The following NCOR2 variants were observed in gnomAD, a reference collection of about 807,000 sequenced individuals.
NCOR2 encodes CTG repeat protein 26.
NCOR2 carries 81 observed loss-of-function variants against 262.9 expected under a neutral mutation model. The ratio of observed to expected loss-of-function variants is 0.31; its 90% confidence interval spans 0.26 to 0.37. NCOR2 has a LOEUF of 0.37. Ranked by LOEUF, NCOR2 falls within the 10% of genes least tolerant of loss-of-function variation. The pLI, the probability that NCOR2 is intolerant of heterozygous loss-of-function variation, is 1.00. For synonymous variants in NCOR2, 1,659 were observed against 1,559.3 expected (o/e 1.06, Z -1.51); for missense variants, 3,385 against 3,621.4 (o/e 0.93, Z 1.68).
chr12:124,437,936 T>C (rs773536853), exon 8 of NCOR2: 20 of 1,612,002 alleles, frequency 1.2e-5, no homozygotes, highest in Admixed American at 3.3e-5. Context: ...TTACCCATTG[T>C]TTCCGAGCGT....
At chr12:124,425,298 C>T (rs1204699412) in intron 11 of NCOR2, among the ~76,000 whole-genome samples, 1 of 151,878 alleles carries the variant, frequency 6.6e-6, no homozygotes, top group African/African-American at 2.4e-5. Flanking sequence ...GGCGTGAACC[C>T]GGGAGGCAGA....
At chr12:124,373,679 TGC>T (rs2039730285) in intron 19 of NCOR2, among the ~76,000 whole-genome samples, 2 of 112,088 alleles carry the variant, frequency 1.8e-5, no homozygotes, top group African/African-American at 7.1e-5. Flanking sequence ...GGCCAGTGCG[TGC>T]GCAGGGGCCC....
At chr12:124,519,528 CAG>C (rs2050057260) in intron 1 of NCOR2, among the ~76,000 whole-genome samples, 1 of 152,108 alleles carries the variant, frequency 6.6e-6, no homozygotes, top group Non-Finnish European at 1.5e-5. Context: ...GTTGTCAAAG[CAG>C]AGAGAAGGCT....
intron 28 of NCOR2, 39 bp from the exon 31 acceptor site, chr12:124,348,353 C>G (rs191452494): frequency 1.3e-5 from 20 of 1,569,926 alleles, no homozygotes; most frequent in Non-Finnish European, 1.7e-5. Flanking sequence ...GAGCTGGGCA[C>G]GGGCCCAGGA....
At chr12:124,347,478 T>G (rs1409155217) in intron 30 of NCOR2, 4 of 269,454 alleles carry the variant, frequency 1.5e-5, no homozygotes, top group African/African-American at 2.2e-5. Context: ...CTGAAAGAGT[T>G]CTCGGAGCTC....
In NCOR2 at chr12:124,347,816, G is replaced by C. The variant is rs1799101084; in HGVS notation, c.4072+9C>G. 9 of 1,558,992 alleles carry C rather than the reference G, an allele frequency of 5.8e-6. No individual in the cohort carries two copies. The highest frequency in any genetic ancestry group is 7.8e-6 in the Non-Finnish European group (9 of 1,150,738). ...GGGGGCAACGAGGGAGCAGGGAACA[G>C]GGCAGTACCTTGTGTGATGGACCCG... On this transcript the variant is annotated intron_variant, in intron 30 of 46. Transcript: ENST00000405201.
At chr12:124,475,760 A>C (rs2047071592) in intron 3 of NCOR2, among the ~76,000 whole-genome samples, 1 of 152,232 alleles carries the variant, frequency 6.6e-6, no homozygotes, top group Non-Finnish European at 1.5e-5. Context: ...GACATGCCCA[A>C]GGCCACTCAG....
exon 14 of NCOR2, chr12:124,402,466 T>C: frequency 1.2e-6 from 2 of 1,612,950 alleles, no homozygotes; most frequent in Non-Finnish European, 8.5e-7. Flanking sequence ...CCGCCTCCTT[T>C]TCCTTCTCCT....
At chr12:124,385,859 C>T (rs540542812) in exon 17 of NCOR2, 14 of 1,613,654 alleles carry the variant, frequency 8.7e-6, no homozygotes, top group African/African-American at 8.0e-5. Context: ...GGGCGATGGC[C>T]GACCAGTTGC....
intron 25 of NCOR2, 64 bp downstream of exon 27, chr12:124,354,773 C>T (rs1465580979): frequency 3.3e-6 from 5 of 1,505,544 alleles, no homozygotes; most frequent in South Asian, 1.2e-5. Context: ...TCCTCCCCCG[C>T]CCCACCCACA....
intron 17 of NCOR2, 62 bp downstream of exon 19, chr12:124,385,683 A>G: frequency 1.9e-6 from 3 of 1,591,074 alleles, no homozygotes; most frequent in Non-Finnish European, 2.6e-6. Context: ...ACATCTCCTG[A>G]GGCAGTCTGG....
At chr12:124,433,881 C>CACACAA (rs2044160080) in intron 8 of NCOR2, among the ~76,000 whole-genome samples, 1 of 68,304 alleles carries the variant, frequency 1.5e-5, no homozygotes, top group African/African-American at 4.2e-5. Context: ...CACACACACA[C>CACACAA]ACACACACAC....
rs1160298195 is a variant in NCOR2, at chr12:124,378,716, AC to A, written c.2020-333del. ...GCGAGTGACCACGCCTCCTGGGGAC[AC>A]CCTGTCAGCTTCATCGGCACACGTG... On this transcript the variant is annotated intron_variant, in intron 17 of 46. Transcript: ENST00000405201. The surrounding 1 kb of genome is among the most constrained non-coding windows in gnomAD (Gnocchi z 4.2). 6.6e-6 allele frequency among the ~76,000 whole-genome samples: 1 copy of A among 152,088 alleles called. No individual in the cohort carries two copies. Among genetic ancestry groups the A allele is most frequent in the African/African-American group, 2.4e-5 (1 of 41,400 alleles).
chr12:124,532,049 T>C (rs1362271226), intron 1 of NCOR2, among the ~76,000 whole-genome samples: 1 of 152,124 alleles, frequency 6.6e-6, no homozygotes. Flanking sequence ...TGCTGCACCC[T>C]GGGGATGCCA....
chr12:124,340,762 T>C lies in NCOR2; in HGVS notation c.5189-11A>G. On this transcript the variant is annotated splice_polypyrimidine_tract_variant and intron_variant, in intron 34 of 46. Coordinates refer to ENST00000405201, the Ensembl canonical transcript of NCOR2. Reference sequence around the variant, plus strand: ...ACAGGTCGATGATGCCTGCGGGAGGTGTTGGGCCAGGGCTGTAGCCACAGG... The same window carrying C: ...ACAGGTCGATGATGCCTGCGGGAGGCGTTGGGCCAGGGCTGTAGCCACAGG... 1 of 1,523,050 alleles carries C rather than the reference T, an allele frequency of 6.6e-7. No individual in the cohort carries two copies. The highest frequency in any genetic ancestry group is 8.7e-7 in the Non-Finnish European group (1 of 1,149,190). 94.3% of individuals were successfully genotyped at this position (1,523,050 alleles called of 1,614,324 possible).
Position 124,432,391 on chromosome 12 carries a change from C to G in NCOR2, c.883-1604G>C, listed in dbSNP as rs1275918981. ...CAGACCTGGCCTCCTCTGCAGAGGC[C>G]TGGTCCCAAATGGAAGCCACCCACC... On this transcript the variant is annotated intron_variant, in intron 8 of 46. Coordinates refer to ENST00000405201, the Ensembl canonical transcript of NCOR2. This position sits in a 1 kb window ranked among gnomAD's most constrained non-coding sequence, Gnocchi z 5.1. 6.6e-6 allele frequency among the ~76,000 whole-genome samples: 1 copy of G among 152,186 alleles called. No homozygotes were observed. The highest frequency in any genetic ancestry group is 1.5e-5 in the Non-Finnish European group (1 of 68,028).
In NCOR2 at chr12:124,432,528, G is replaced by A. The variant is rs1298102428; in HGVS notation, c.883-1741C>T. On this transcript the variant is annotated intron_variant, in intron 8 of 46. Coordinates refer to ENST00000405201, the Ensembl canonical transcript of NCOR2. This position sits in a 1 kb window ranked among gnomAD's most constrained non-coding sequence, Gnocchi z 5.1. ...GCCACATGCGGCTGGGGCTCCGGCC[G>A]CACCAGACAGCCCGGATGGAGCCCA... Among the ~76,000 whole-genome samples the A allele has an allele frequency of 1.3e-5, 2 of 152,250 alleles. No individual in the cohort carries two copies. Among genetic ancestry groups the A allele is most frequent in the Non-Finnish European group, 2.9e-5 (2 of 68,014 alleles).
intron 8 of NCOR2, among the ~76,000 whole-genome samples, chr12:124,433,477 G>T (rs770570970): frequency 1.3e-5 from 2 of 152,200 alleles, no homozygotes; most frequent in African/African-American, 2.4e-5. Flanking sequence ...CCGGCAGGGC[G>T]CTGGCAAGAC....
intron 13 of NCOR2, among the ~76,000 whole-genome samples, chr12:124,415,585 TG>T (rs1222918739): frequency 1.3e-5 from 2 of 152,244 alleles, no homozygotes; most frequent in Non-Finnish European, 2.9e-5. Flanking sequence ...GGGCGAGCCC[TG>T]GAGACAGACA....
Sources: gnomAD v4.1 joint callset for allele counts (sites outside exome capture counted in the v4.1 genomes callset) on GRCh38, gnomAD v4.1.1 for gene constraint, Gnocchi (gnomAD v3.1) non-coding constraint, MANE v1.5 for transcripts, NCBI Gene and HGNC (gene_info 2026-07-23, HGNC 2026-07-21) for gene names.